DCAF1: variants seen among roughly 807,000 people sequenced by gnomAD.
The protein encoded by DCAF1 is DDB1- and CUL4-associated factor 1.
A neutral mutation model predicts 128.0 loss-of-function variants in DCAF1; 15 were observed. The ratio of observed to expected loss-of-function variants is 0.12; its 90% confidence interval spans 0.08 to 0.18. DCAF1 has a LOEUF of 0.18. DCAF1 is among the 10% of genes least tolerant of loss of function. DCAF1 has a pLI of 1.00. For missense variants in DCAF1, 988 were observed against 1,649.5 expected (o/e 0.60, Z 6.95); for synonymous variants, 610 against 603.0 (o/e 1.01, Z -0.17).
intron 6 of DCAF1, among the ~76,000 whole-genome samples, chr3:51,449,652 T>C (rs1702175006): frequency 6.6e-6 from 1 of 151,372 alleles, no homozygotes; most frequent in Non-Finnish European, 1.5e-5. Flanking sequence ...ATAATAAAGA[T>C]TATAGTGGGG....
chr3:51,412,109 TAAAAAAAAAAA>T (rs782087400), intron 23 of DCAF1, among the ~76,000 whole-genome samples: 5 of 29,460 alleles, frequency 1.7e-4, no homozygotes, highest in East Asian at 9.1e-4. Context: ...AACTCCATTC[TAAAAAAAAAAA>T]AAAAAAAAAA....
chr3:51,441,896 A>G lies in DCAF1; in HGVS notation c.515T>C (p.Val172Ala). The G allele has an allele frequency of 3.1e-6, 5 of 1,587,672 alleles. No homozygotes were observed. Among genetic ancestry groups the G allele is most frequent in the Non-Finnish European group, 3.4e-6 (4 of 1,173,750 alleles). Residue 172 changes from valine to alanine, a missense_variant and splice_region_variant, in exon 8 of 25, where the codon GTG becomes GCG. This residue lies in a region of DCAF1 where 210 missense variants were observed against 260.2 expected (regional missense o/e 0.81). Transcript: ENST00000684031. ...ANYRDENSQL[V>A]AIVLRRLREL... ...CCTCAGTCTTCGAAGCACTATTGCC[A>G]CCTATCAACAGATAATTGGAGAAAA...
chr3:51,413,209 A>G, intron 21 of DCAF1, 73 bp downstream of exon 21: 1 of 1,553,152 alleles, frequency 6.4e-7, no homozygotes, highest in Non-Finnish European at 8.7e-7. Context: ...ACAGGCCTCC[A>G]GAAAATGAAG....
At chr3:51,446,963 A>AAATAATAATAATAATAATAATAATAAT (rs59908556) in intron 6 of DCAF1, among the ~76,000 whole-genome samples, 1 of 136,990 alleles carries the variant, frequency 7.3e-6, no homozygotes, top group Non-Finnish European at 1.5e-5. Context: ...TTTGTCTCAA[A>AAATAATAATAATAATAATAATAATAAT]AATAATAATA....
chr3:51,445,367 T>C (rs1381663631), intron 6 of DCAF1, among the ~76,000 whole-genome samples: 2 of 152,244 alleles, frequency 1.3e-5, no homozygotes, highest in Non-Finnish European at 2.9e-5. Context: ...CTCAACATGT[T>C]TTTTAGATTC....
chr3:51,499,131 G>A (rs1156703557), intron 1 of DCAF1, among the ~76,000 whole-genome samples: 1 of 152,234 alleles, frequency 6.6e-6, no homozygotes, highest in African/African-American at 2.4e-5. Flanking sequence ...ACCGCAGTAA[G>A]AGGAAACCAG....
intron 4 of DCAF1, among the ~76,000 whole-genome samples, chr3:51,470,426 G>C (rs1319414828): frequency 6.6e-6 from 1 of 152,010 alleles, no homozygotes; most frequent in Admixed American, 6.6e-5. Context: ...AATCAGCCAG[G>C]CATGATAGCA....
At chr3:51,467,149 T>C in intron 4 of DCAF1, among the ~76,000 whole-genome samples, 1 of 152,158 alleles carries the variant, frequency 6.6e-6, no homozygotes, top group South Asian at 2.1e-4. Flanking sequence ...CTGGCCAACA[T>C]GGCGAAATCC....
At chr3:51,497,669 C>A (rs1434822769) in intron 1 of DCAF1, among the ~76,000 whole-genome samples, 1 of 152,102 alleles carries the variant, frequency 6.6e-6, no homozygotes, top group African/African-American at 2.4e-5. Context: ...GAAGCCAAGT[C>A]GGAAGGATTG....
At chr3:51,457,258 G>T (rs554015533) in intron 6 of DCAF1, among the ~76,000 whole-genome samples, 1 of 152,164 alleles carries the variant, frequency 6.6e-6, no homozygotes, top group Non-Finnish European at 1.5e-5. Flanking sequence ...AGAAAGCTAC[G>T]TGACGAATGC....
chr3:51,463,739 C>A (rs1703846601), intron 5 of DCAF1, among the ~76,000 whole-genome samples: 2 of 152,020 alleles, frequency 1.3e-5, no homozygotes, highest in African/African-American at 4.8e-5. Context: ...GCCCTAATCA[C>A]CACTGCACTC....
intron 6 of DCAF1, among the ~76,000 whole-genome samples, chr3:51,460,488 A>C (rs1467197579): frequency 1.3e-5 from 2 of 152,176 alleles, no homozygotes; most frequent in African/African-American, 4.8e-5. Flanking sequence ...ATACTGCCCA[A>C]GGTAATTTAT....
rs1553632185 is a variant in DCAF1 at position 51,420,538 on chromosome 3, T to C, written c.2432A>G (p.Glu811Gly). 1 of 1,613,944 alleles carries C rather than the reference T, an allele frequency of 6.2e-7. No individual in the cohort carries two copies. ...TTTTCCTGACACCCGTTCAATGAGT[T>C]CAGCAGCATACTTGCAGAACTTGAC... Reference protein sequence around the residue: ...DHVKFCKYAAELIERVSGKPL... With the variant: ...DHVKFCKYAAGLIERVSGKPL... The change falls in exon 15 of 25, where the codon GAA becomes GGA. Residue 811 changes from glutamate (E) to glycine (G), a missense_variant. Transcript: ENST00000684031. This position sits in a 1 kb window ranked among gnomAD's most constrained non-coding sequence, Gnocchi z 6.5.
chr3:51,488,550 G>A (rs1331232555), intron 2 of DCAF1, among the ~76,000 whole-genome samples: 8 of 151,742 alleles, frequency 5.3e-5, no homozygotes, highest in South Asian at 2.1e-4. Context: ...GGTGGCTCAC[G>A]CCAGCAGTTT....
chr3:51,491,742 G>GA (rs1266565891), intron 2 of DCAF1, among the ~76,000 whole-genome samples: 1 of 151,778 alleles, frequency 6.6e-6, no homozygotes, highest in African/African-American at 2.4e-5. Context: ...TACTCAGGGG[G>GA]GCTGAGGCAG....
At chr3:51,503,957 T>C (rs1430495633), upstream of DCAF1, among the ~76,000 whole-genome samples, 1 of 151,984 alleles carries the variant, frequency 6.6e-6, no homozygotes, top group Non-Finnish European at 1.5e-5. Context: ...TGGAAATCCT[T>C]CCAGGAGGAA....
chr3:51,457,938 G>A (rs1195217998), intron 6 of DCAF1, among the ~76,000 whole-genome samples: 8 of 152,066 alleles, frequency 5.3e-5, no homozygotes, highest in African/African-American at 7.2e-5. Flanking sequence ...AGAAACAACC[G>A]GTACCAGCCA....
chr3:51,494,403 C>T (rs932582292), intron 2 of DCAF1, among the ~76,000 whole-genome samples: 62 of 151,914 alleles, frequency 4.1e-4, no homozygotes, highest in Non-Finnish European at 8.1e-4. Flanking sequence ...TGTGAGCCAC[C>T]GCGCCCGGCC....
At chr3:51,477,755 G>C (rs980304369) in intron 3 of DCAF1, among the ~76,000 whole-genome samples, 2 of 152,114 alleles carry the variant, frequency 1.3e-5, no homozygotes, top group Admixed American at 1.3e-4. Context: ...GACAAATAAG[G>C]AAGGTGAAGT....
Sources: gnomAD v4.1 joint callset for allele counts (sites outside exome capture counted in the v4.1 genomes callset) on GRCh38, gnomAD v4.1.1 for gene constraint, gnomAD v4.1.1 regional missense constraint, Gnocchi (gnomAD v3.1) non-coding constraint, MANE v1.5 for transcripts, NCBI Gene and HGNC (gene_info 2026-07-23, HGNC 2026-07-21) for gene names.